SGIP1: variants seen among roughly 807,000 people sequenced by gnomAD.
The protein encoded by SGIP1 is SH3GL interacting endocytic adaptor 1.
SGIP1 carries 38 observed loss-of-function variants against 107.5 expected under a neutral mutation model. The observed-to-expected ratio is 0.35, with a 90% confidence interval of 0.27 to 0.46. SGIP1 has a LOEUF of 0.46. Ranked by LOEUF, SGIP1 falls within the 20% of genes least tolerant of loss-of-function variation. The pLI, the probability that SGIP1 is intolerant of heterozygous loss-of-function variation, is 1.00. For synonymous variants in SGIP1, 365 were observed against 366.1 expected (o/e 1.00, Z 0.03); for missense variants, 929 against 1,019.5 (o/e 0.91, Z 1.21).
intron 18 of SGIP1, among the ~76,000 whole-genome samples, chr1:66,702,688 T>C (rs1440682634): frequency 2.0e-5 from 3 of 152,220 alleles, no homozygotes; most frequent in Admixed American, 6.5e-5. Flanking sequence ...TAGAAGCTTC[T>C]TGTATCTCTA....
At chr1:66,609,009 A>ATGAAGGTCACTTATATCCCACAGGGG (rs2067393684) in intron 1 of SGIP1, among the ~76,000 whole-genome samples, 1 of 152,040 alleles carries the variant, frequency 6.6e-6, no homozygotes, top group Non-Finnish European at 1.5e-5. Context: ...TCCCACAGGG[A>ATGAAGGTCACTTATATCCCACAGGGG]TGAAGGTCAC....
chr1:66,645,241 T>A (rs894114230), intron 7 of SGIP1, among the ~76,000 whole-genome samples: 10 of 152,294 alleles, frequency 6.6e-5, no homozygotes, highest in Admixed American at 2.0e-4. Flanking sequence ...ACCGGCACAG[T>A]CCCAGAAACA....
At position 66,735,090 on chromosome 1, in the gene SGIP1, A is replaced by T. The variant is rs557855899; in HGVS notation, c.2031+1210A>T. ...ACTGAAATTTTGTGTCTTTTGACCA[A>T]CATCTCTCTAAACAAACCCCCACCC... On this transcript the variant is annotated intron_variant, in intron 21 of 24. Transcript: ENST00000371037. Among the ~76,000 whole-genome samples the T allele has an allele frequency of 3.9e-5, 6 of 152,146 alleles. No homozygotes were observed. The East Asian group carries it at 1.2e-3, about 29-fold the overall frequency.
At chr1:66,555,932 A>G (rs1365743051) in intron 1 of SGIP1, among the ~76,000 whole-genome samples, 2 of 152,176 alleles carry the variant, frequency 1.3e-5, no homozygotes, top group Non-Finnish European at 2.9e-5. Flanking sequence ...GCTTAAGTTA[A>G]GAAAGCTAGA....
rs751718785 is a variant in SGIP1 at position 66,677,012 on chromosome 1, G to T, written c.655G>T (p.Asp219Tyr). Residue 219 changes from aspartate (D) to tyrosine (Y), a missense_variant, in exon 13 of 25, where the codon GAT becomes TAT. Physicochemically the swap from Asp to Tyr is radical, Grantham distance 160. This residue lies in a region of SGIP1 where 588 missense variants were observed against 588.6 expected (regional missense o/e 1.00). Transcript: ENST00000371037. ...TTCTTTTTTGTTTCCAGTTCTTTTAGATCAGCCTGAGATATGGGGTTCAGG... is the reference window on the plus strand; with the variant it reads ...TTCTTTTTTGTTTCCAGTTCTTTTATATCAGCCTGAGATATGGGGTTCAGG... Reference protein sequence around the residue: ...FDEQKTEVLLDQPEIWGSGQP... With the variant: ...FDEQKTEVLLYQPEIWGSGQP... 6.2e-7 allele frequency: 1 copy of T among 1,609,024 alleles called. No homozygotes were observed.
chr1:66,618,721 G>A (rs2070105906), intron 1 of SGIP1, among the ~76,000 whole-genome samples: 1 of 152,190 alleles, frequency 6.6e-6, no homozygotes, highest in Non-Finnish European at 1.5e-5. Context: ...CACATGCAAG[G>A]TTCTCAGTAA....
In SGIP1 at chr1:66,749,209, T is replaced by C. The variant is rs1209519454; in HGVS notation, c.*6114T>C. Among the ~76,000 whole-genome samples, 3 of 152,046 alleles carry C rather than the reference T, an allele frequency of 2.0e-5. No individual in the cohort carries two copies. Among genetic ancestry groups the C allele is most frequent in the South Asian group, 4.1e-4 (2 of 4,832 alleles). ...GACCAGCATATCAGACCCCTATCTG[T>C]TGAAGATGTTTCCAATTCTTTGCCG... On this transcript the variant is annotated 3_prime_UTR_variant, in exon 25 of 25. Transcript: ENST00000371037.
intron 5 of SGIP1, 73 bp from the exon 6 acceptor site, chr1:66,642,737 G>T: frequency 7.8e-7 from 1 of 1,284,368 alleles, no homozygotes; most frequent in Non-Finnish European, 1.1e-6. Context: ...TTAAATAGAA[G>T]ACTCTAGAAA....
intron 7 of SGIP1, among the ~76,000 whole-genome samples, chr1:66,649,003 A>G (rs1227755700): frequency 6.6e-6 from 1 of 152,124 alleles, no homozygotes; most frequent in Non-Finnish European, 1.5e-5. Context: ...GCAATTGTTC[A>G]TTTCTTCATT....
chr1:66,622,057 A>G (rs539180817), intron 1 of SGIP1, among the ~76,000 whole-genome samples: 1 of 152,318 alleles, frequency 6.6e-6, no homozygotes, highest in Admixed American at 6.5e-5. Flanking sequence ...GGCCTCACCT[A>G]TAAATTCAGG....
At chr1:66,688,220 CA>C (rs759390771) in intron 15 of SGIP1, among the ~76,000 whole-genome samples, 1 of 152,182 alleles carries the variant, frequency 6.6e-6, no homozygotes, top group Non-Finnish European at 1.5e-5. Flanking sequence ...ACAAAAACCT[CA>C]GGAGTAGTCA....
chr1:66,677,716 T>G (rs1257381234), intron 13 of SGIP1, among the ~76,000 whole-genome samples: 1 of 152,248 alleles, frequency 6.6e-6, no homozygotes, highest in Non-Finnish European at 1.5e-5. Flanking sequence ...CTATTTGGAC[T>G]GAATGGATTG....
At chr1:66,569,430 T>A (rs1299890363) in intron 1 of SGIP1, among the ~76,000 whole-genome samples, 1 of 152,008 alleles carries the variant, frequency 6.6e-6, no homozygotes, top group Non-Finnish European at 1.5e-5. Context: ...TGAGATTTTT[T>A]TTTAATCAGA....
At chr1:66,701,198 CATTT>C (rs2091855545) in intron 18 of SGIP1, among the ~76,000 whole-genome samples, 1 of 152,102 alleles carries the variant, frequency 6.6e-6, no homozygotes. Context: ...CTAATTCATT[CATTT>C]GAGAGACACT....
chr1:66,646,119 G>C (rs1044306296), intron 7 of SGIP1, among the ~76,000 whole-genome samples: 1 of 152,120 alleles, frequency 6.6e-6, no homozygotes, highest in Non-Finnish European at 1.5e-5. Flanking sequence ...GGGATTACAG[G>C]TGTGAGCCAC....
chr1:66,536,166 G>C (rs1265894519), intron 1 of SGIP1, among the ~76,000 whole-genome samples: 1 of 152,202 alleles, frequency 6.6e-6, no homozygotes. Flanking sequence ...AAAGACTTGT[G>C]CTGGAGCTGA....
At chr1:66,625,163 C>A (rs1230069652) in intron 1 of SGIP1, among the ~76,000 whole-genome samples, 1 of 152,106 alleles carries the variant, frequency 6.6e-6, no homozygotes, top group Non-Finnish European at 1.5e-5. Flanking sequence ...CAGTGTCTTA[C>A]GCCTCTAGGA....
At chr1:66,574,838 T>G (rs538841095) in intron 1 of SGIP1, among the ~76,000 whole-genome samples, 4 of 143,050 alleles carry the variant, frequency 2.8e-5, no homozygotes, top group African/African-American at 1.2e-4. Context: ...ATATAGTTGA[T>G]GTCAGATTGC....
At chr1:66,677,145 T>C (rs1238809221) in intron 13 of SGIP1, 49 bp downstream of exon 13, 3 of 1,447,244 alleles carry the variant, frequency 2.1e-6, no homozygotes, top group East Asian at 2.3e-5. Flanking sequence ...CTCATTTTAG[T>C]GTCTGTCTGC....
Sources: allele counts gnomAD v4.1 joint callset (sites outside exome capture counted in the v4.1 genomes callset), GRCh38; gene constraint gnomAD v4.1.1; regional missense constraint gnomAD v4.1.1; transcripts MANE v1.5; gene names NCBI Gene and HGNC (gene_info 2026-07-23, HGNC 2026-07-21).